AUTS2: variants seen among roughly 807,000 people sequenced by gnomAD.
AUTS2 encodes the protein activator of transcription and developmental regulator AUTS2.
AUTS2 carries 17 observed loss-of-function variants against 112.4 expected under a neutral mutation model. That is an observed-to-expected ratio of 0.15 (90% CI 0.10 to 0.23). The LOEUF (loss-of-function observed/expected upper bound fraction) is 0.23, where lower values mean the gene tolerates loss of function less well. Ranked by LOEUF, AUTS2 falls within the 10% of genes least tolerant of loss-of-function variation. The pLI, the probability that AUTS2 is intolerant of heterozygous loss-of-function variation, is 1.00. For missense variants in AUTS2, 1,510 were observed against 1,701.6 expected, an observed-to-expected ratio of 0.89 and a Z score of 1.98; for synonymous variants, 751 against 702.7, an observed-to-expected ratio of 1.07 and a Z score of -1.09.
intron 5 of AUTS2, among the ~76,000 whole-genome samples, chr7:70,679,505 G>T (rs913300339): frequency 6.6e-6 from 1 of 151,926 alleles, no homozygotes; most frequent in Non-Finnish European, 1.5e-5. Context: ...GATATTGTGT[G>T]CTTGAATCTG....
chr7:70,364,566 AAAATAAAT>A (rs200011798), intron 4 of AUTS2, among the ~76,000 whole-genome samples: 5,843 of 138,042 alleles, frequency 0.042, 240 homozygotes, highest in African/African-American at 0.1. Context: ...CTCTGTCTCA[AAAATAAAT>A]AAATAAATAA....
At position 69,862,096 on chromosome 7, in the gene AUTS2, T is replaced by C. The variant is rs528856846; in HGVS notation, c.310-37190T>C. 2.0e-4 allele frequency among the ~76,000 whole-genome samples: 30 copies of C among 152,368 alleles called. No individual in the cohort carries two copies. The East Asian group carries it at 5.4e-3, about 27-fold the overall frequency. On this transcript the variant is annotated intron_variant, in intron 1 of 18. Coordinates refer to ENST00000342771, the MANE Select transcript of AUTS2 (RefSeq NM_015570.4). ...CCTTTGGAAAGGACACTCTAGTTTCTTAACTTGCTTTTTACCTTTAAGTTA... is the reference window on the plus strand; with the variant it reads ...CCTTTGGAAAGGACACTCTAGTTTCCTAACTTGCTTTTTACCTTTAAGTTA...
At chr7:69,748,663 A>G (rs1451986481) in intron 1 of AUTS2, among the ~76,000 whole-genome samples, 1 of 152,178 alleles carries the variant, frequency 6.6e-6, no homozygotes, top group Non-Finnish European at 1.5e-5. Flanking sequence ...TAGCTATTAA[A>G]ATAAAAGTAT....
chr7:69,693,002 A>G (rs981840950), intron 1 of AUTS2, among the ~76,000 whole-genome samples: 1 of 152,230 alleles, frequency 6.6e-6, no homozygotes, highest in African/African-American at 2.4e-5. Flanking sequence ...GATCTCTCTC[A>G]TGGCATTTTC....
intron 5 of AUTS2, among the ~76,000 whole-genome samples, chr7:70,501,378 C>A (rs1798766750): frequency 6.6e-6 from 1 of 152,134 alleles, no homozygotes; most frequent in Non-Finnish European, 1.5e-5. Context: ...TCGGCTGCCT[C>A]CTTCTAGCCT....
intron 4 of AUTS2, among the ~76,000 whole-genome samples, chr7:70,388,501 G>A (rs1044047209): frequency 7.2e-5 from 11 of 152,196 alleles, no homozygotes; most frequent in Non-Finnish European, 1.6e-4. Flanking sequence ...GTTCTCAGTA[G>A]TTTCCACACT....
At chr7:69,603,737 A>G (rs915025531) in intron 1 of AUTS2, among the ~76,000 whole-genome samples, 5 of 152,138 alleles carry the variant, frequency 3.3e-5, no homozygotes, top group African/African-American at 7.2e-5. Flanking sequence ...GTTTGTTTGG[A>G]TATTCTTCGA....
intron 2 of AUTS2, among the ~76,000 whole-genome samples, chr7:69,907,752 A>G (rs1365356925): frequency 6.6e-6 from 1 of 152,228 alleles, no homozygotes. Flanking sequence ...TTTTCATATG[A>G]TACAACTCTG....
intron 1 of AUTS2, among the ~76,000 whole-genome samples, chr7:69,635,952 T>A (rs1405211137): frequency 6.6e-6 from 1 of 152,208 alleles, no homozygotes; most frequent in African/African-American, 2.4e-5. Flanking sequence ...CCATACAGTG[T>A]GTACATGGCC....
At chr7:70,621,972 G>A (rs1043446494) in intron 5 of AUTS2, among the ~76,000 whole-genome samples, 38 of 148,198 alleles carry the variant, frequency 2.6e-4, no homozygotes, top group Admixed American at 4.8e-4. Context: ...TCAGCCTCGC[G>A]AGTAACTGGG....
chr7:70,159,570 T>C (rs986923255), intron 4 of AUTS2, among the ~76,000 whole-genome samples: 1 of 152,218 alleles, frequency 6.6e-6, no homozygotes, highest in Non-Finnish European at 1.5e-5. Context: ...TATCTGATAA[T>C]GTTACAAATA....
chr7:69,839,786 G>T (rs1170833516), intron 1 of AUTS2, among the ~76,000 whole-genome samples: 7 of 152,132 alleles, frequency 4.6e-5, no homozygotes, highest in Admixed American at 2.0e-4. Flanking sequence ...CTAGCCACCT[G>T]CAGTTGTTGT....
At position 70,151,165 on chromosome 7, in the gene AUTS2, G is replaced by A. The variant is rs182978559; in HGVS notation, c.660+16594G>A. On this transcript the variant is annotated intron_variant, in intron 4 of 18. Transcript: ENST00000342771. ...ATTCAAAGGACAGAGTATTAGGGGG[G>A]AGGGGTGATGCACGGAGAAAGGATC... Among the ~76,000 whole-genome samples, 396 of 152,270 alleles carry A rather than the reference G, an allele frequency of 2.6e-3. 2 individuals carry two copies. Among genetic ancestry groups the A allele is most frequent in the African/African-American group, 9.0e-3 (375 of 41,562 alleles).
chr7:70,790,234 G>C lies in AUTS2; in HGVS notation c.3018G>C (p.Pro1006=). The change falls in exon 19 of 19, where the codon CCG becomes CCC. Residue 1006 remains proline, a synonymous_variant. Coordinates refer to ENST00000342771, the MANE Select transcript of AUTS2 (RefSeq NM_015570.4). This position sits in a 1 kb window ranked among gnomAD's most constrained non-coding sequence, Gnocchi z 7.6. ...APQTHRASEP[P]PPNSSSSVHP... The stretch of plus-strand genomic sequence containing the variant: ...AGACCCACCGGGCCTCGGAGCCGCC[G>C]CCTCCCAACTCCTCGTCCAGCGTGC... The C allele has an allele frequency of 6.2e-7, 1 of 1,612,704 alleles. No individual in the cohort carries two copies. Among genetic ancestry groups the C allele is most frequent in the African/African-American group, 1.3e-5 (1 of 75,040 alleles).
intron 2 of AUTS2, among the ~76,000 whole-genome samples, chr7:69,903,081 A>G (rs913579673): frequency 6.6e-6 from 1 of 152,184 alleles, no homozygotes; most frequent in Non-Finnish European, 1.5e-5. Context: ...GACATGATAT[A>G]AAAAAAGTTT....
chr7:70,538,531 A>G (rs1384315461), intron 5 of AUTS2, among the ~76,000 whole-genome samples: 1 of 152,204 alleles, frequency 6.6e-6, no homozygotes, highest in Non-Finnish European at 1.5e-5. Flanking sequence ...CTCCGTCTCA[A>G]AAAAAGAAAG....
rs185545979 is a variant in AUTS2, at chr7:69,787,766, G to A, written c.310-111520G>A. Among the ~76,000 whole-genome samples, 216 of 152,212 alleles carry A rather than the reference G, an allele frequency of 1.4e-3. 1 individual carries two copies. Among genetic ancestry groups the A allele is most frequent in the African/African-American group, 5.1e-3 (212 of 41,522 alleles). ...TTCCCCCAACTTTACTAGAGATGGG[G>A]TTTCACCATGTTGGCCAGGGCTGGT... On this transcript the variant is annotated intron_variant, in intron 1 of 18. Coordinates refer to ENST00000342771, the MANE Select transcript of AUTS2 (RefSeq NM_015570.4).
intron 1 of AUTS2, among the ~76,000 whole-genome samples, chr7:69,735,295 TA>T (rs1786980870): frequency 6.6e-6 from 1 of 152,120 alleles, no homozygotes; most frequent in African/African-American, 2.4e-5. Context: ...CAGACCTGGT[TA>T]TGAAAGGAGA....
At chr7:69,801,726 T>C (rs556037594) in intron 1 of AUTS2, among the ~76,000 whole-genome samples, 9 of 152,298 alleles carry the variant, frequency 5.9e-5, no homozygotes, top group Non-Finnish European at 1.3e-4. Context: ...CAGGCACTTT[T>C]CTAGGTGCTC....
Sources: gnomAD v4.1 joint callset for allele counts (sites outside exome capture counted in the v4.1 genomes callset) on GRCh38, gnomAD v4.1.1 for gene constraint, Gnocchi (gnomAD v3.1) non-coding constraint, MANE v1.5 for transcripts, NCBI Gene and HGNC (gene_info 2026-07-23, HGNC 2026-07-21) for gene names.